The following MROH1 variants were observed in gnomAD, a reference collection of about 807,000 sequenced individuals.
MROH1 encodes maestro heat like repeat family member 1, also known as maestro heat-like repeat-containing protein family member 1.
In MROH1, 117 loss-of-function variants were observed where a neutral mutation model predicts 116.5. That is an observed-to-expected ratio of 1.00 (90% CI 0.86 to 1.17). MROH1 has a LOEUF of 1.17. MROH1 is among the 50% of genes most tolerant of loss of function. MROH1 has a pLI of 0.00. For missense variants in MROH1, 1,873 were observed against 1,338.5 expected, an observed-to-expected ratio of 1.40 and a Z score of -6.23; for synonymous variants, 921 against 583.9, an observed-to-expected ratio of 1.58 and a Z score of -8.32.
chr8:144,177,030 C>G (rs186204313), intron 4 of MROH1, among the ~76,000 whole-genome samples: 103 of 152,256 alleles, frequency 6.8e-4, no homozygotes, highest in Middle Eastern at 6.8e-3. Flanking sequence ...AAATCAACCC[C>G]AGCTGAAGTT....
At chr8:144,248,826 G>T in intron 31 of MROH1, 51 bp from the exon 32 acceptor site, 1 of 765,180 alleles carries the variant, frequency 1.3e-6, no homozygotes, top group East Asian at 2.5e-5. Context: ...AACAGAAGTG[G>T]CGTTGGGGGT....
rs1443866913 is a variant in MROH1, at chr8:144,200,797, C to A, written c.1141+256C>A. ...TGCAGACACCATGCGTGGCCACACT[C>A]CCCAGGTGACCATGCCTCTGAGGGT... On this transcript the variant is annotated intron_variant, in intron 12 of 43. Coordinates refer to ENST00000326134, the MANE Select transcript of MROH1 (RefSeq NM_032450.3). The A allele has an allele frequency of 3.5e-5, 16 of 463,766 alleles. No homozygotes were observed. The East Asian group carries it at 6.3e-4, about 18-fold the overall frequency. 28.7% of individuals were successfully genotyped at this position (463,766 alleles called of 1,614,324 possible). A position where few individuals can be genotyped will look rare whatever the true frequency, so the allele number is the denominator to read the frequency against.
At position 144,197,417 on chromosome 8, in the gene MROH1, C is replaced by CTTTTTTTTTTTTTTTTTTT. The variant is rs79749774; in HGVS notation, c.949-1687_949-1669dup. ...AAGAGTGGGCAGGAAGCTGCAGCAT[C>CTTTTTTTTTTTTTTTTTTT]TTTTTTTTTTTTTTTTTTTTTTTTT... On this transcript the variant is annotated intron_variant, in intron 10 of 43. Coordinates refer to ENST00000326134, the MANE Select transcript of MROH1 (RefSeq NM_032450.3). Among the ~76,000 whole-genome samples the CTTTTTTTTTTTTTTTTTTT allele has an allele frequency of 4.7e-5, 2 of 42,500 alleles. 1 individual carries two copies. The highest frequency in any genetic ancestry group is 2.6e-4 in the African/African-American group (2 of 7,674). 27.9% of individuals were successfully genotyped at this position (42,500 alleles called of 152,430 possible).
chr8:144,258,736 C>CGT (rs1844403369), intron 35 of MROH1, 41 bp from the exon 36 acceptor site: 2 of 742,276 alleles, frequency 2.7e-6, no homozygotes, highest in Admixed American at 3.7e-5. Flanking sequence ...GGGAGGTAGG[C>CGT]GTGTGTGCCC....
At chr8:144,198,789 G>A (rs1830475263) in intron 10 of MROH1, among the ~76,000 whole-genome samples, 4 of 152,116 alleles carry the variant, frequency 2.6e-5, no homozygotes, top group Admixed American at 2.6e-4. Flanking sequence ...TTTTCCTGCT[G>A]CTGGTAGGAG....
intron 1 of MROH1, among the ~76,000 whole-genome samples, chr8:144,153,588 A>T (rs1817364040): frequency 6.6e-6 from 1 of 151,710 alleles, no homozygotes; most frequent in South Asian, 2.1e-4. Flanking sequence ...TATATGCCAC[A>T]TTTTCTTTAT....
Position 144,182,471 on chromosome 8 carries a change from AT to A in MROH1, c.562+1949del, listed in dbSNP as rs1463632713. On this transcript the variant is annotated intron_variant, in intron 7 of 43. Coordinates refer to ENST00000326134, the MANE Select transcript of MROH1 (RefSeq NM_032450.3). The surrounding 1 kb of genome is among the most constrained non-coding windows in gnomAD (Gnocchi z 4.1). The stretch of plus-strand genomic sequence containing the variant: ...AACAGAGAAAGAAAATCTCTGATTA[AT>A]ATCCTCAGGAAAATAAGTGGGCATC... Among the ~76,000 whole-genome samples the A allele has an allele frequency of 2.6e-5, 4 of 152,232 alleles. No individual in the cohort carries two copies. The highest frequency in any genetic ancestry group is 9.6e-5 in the African/African-American group (4 of 41,468).
chr8:144,228,430 C>T (rs574099812), intron 14 of MROH1, among the ~76,000 whole-genome samples: 1 of 152,248 alleles, frequency 6.6e-6, no homozygotes, highest in African/African-American at 2.4e-5. Context: ...CTGGACTGAT[C>T]AGGGCGGTGG....
intron 11 of MROH1, 54 bp from the exon 12 acceptor site, chr8:144,200,374 G>A (rs1333377985): frequency 9.3e-6 from 13 of 1,390,932 alleles, no homozygotes; most frequent in South Asian, 1.4e-5. Flanking sequence ...TGGACGCTGT[G>A]TATAGGGATG....
Position 144,260,552 on chromosome 8 carries a change from C to T in MROH1, c.4381-125C>T, listed in dbSNP as rs1310939280. 99 of 756,614 alleles carry T rather than the reference C, an allele frequency of 1.3e-4. 1 individual carries two copies. The highest frequency in any genetic ancestry group is 1.3e-3 in the South Asian group (95 of 73,324). 46.9% of individuals were successfully genotyped at this position (756,614 alleles called of 1,614,324 possible). ...GCCTGGCAGCCCCCACCCGTAAGGC[C>T]CCCACCCGTCGGGGTGTTTCCTGGC... On this transcript the variant is annotated intron_variant, in intron 39 of 43. Transcript: ENST00000326134.
At chr8:144,228,777 T>C (rs1838277067) in intron 14 of MROH1, among the ~76,000 whole-genome samples, 2 of 152,358 alleles carry the variant, frequency 1.3e-5, no homozygotes, top group African/African-American at 4.8e-5. Context: ...TTTCTTAAAA[T>C]AGGACAATGA....
intron 10 of MROH1, among the ~76,000 whole-genome samples, chr8:144,195,634 A>G (rs7386497): frequency 0.99 from 150,215 of 151,980 alleles, 74,256 homozygotes; most frequent in East Asian, 1. Flanking sequence ...GAGCCACTGC[A>G]CCTGGCCTAT....
chr8:144,233,909 A>G (rs1839464037), intron 14 of MROH1, among the ~76,000 whole-genome samples: 1 of 152,216 alleles, frequency 6.6e-6, no homozygotes, highest in African/African-American at 2.4e-5. Flanking sequence ...ATGTGAATTT[A>G]TTTTAGCATC....
At chr8:144,206,665 C>T (rs1406242454) in intron 12 of MROH1, among the ~76,000 whole-genome samples, 1 of 151,338 alleles carries the variant, frequency 6.6e-6, no homozygotes, top group African/African-American at 2.4e-5. Context: ...CTCAGGTGAT[C>T]CACCCGCCTC....
chr8:144,259,838 T>G (rs1844660390), intron 37 of MROH1, 73 bp from the exon 38 acceptor site: 1 of 711,816 alleles, frequency 1.4e-6, no homozygotes, highest in African/African-American at 1.7e-5. Flanking sequence ...GCCTCTGGTG[T>G]TCTGGGCCTG....
chr8:144,201,339 G>A (rs956817346), intron 12 of MROH1, among the ~76,000 whole-genome samples: 12 of 152,232 alleles, frequency 7.9e-5, no homozygotes, highest in Middle Eastern at 3.4e-3. Context: ...GATTACAGGC[G>A]TGAGCCACCG....
At chr8:144,260,497 C>T (rs920510979) in intron 39 of MROH1, 123 bp downstream of exon 39, 3 of 701,580 alleles carry the variant, frequency 4.3e-6, no homozygotes, top group South Asian at 1.5e-5. Flanking sequence ...CCGTGGAGAG[C>T]GCGGACCTGC....
chr8:144,168,172 T>C, intron 3 of MROH1, 123 bp from the exon 4 acceptor site: 1 of 1,166,936 alleles, frequency 8.6e-7, no homozygotes, highest in Non-Finnish European at 1.2e-6. Context: ...AGCTGTGCCC[T>C]CTCCTGCTCT....
At chr8:144,171,964 G>A (rs1822561266) in intron 4 of MROH1, among the ~76,000 whole-genome samples, 1 of 152,230 alleles carries the variant, frequency 6.6e-6, no homozygotes, top group Admixed American at 6.5e-5. Context: ...CCCTTTTGGA[G>A]TTTGGACAAC....
Sources: gnomAD v4.1 joint callset for allele counts (sites outside exome capture counted in the v4.1 genomes callset) on GRCh38, gnomAD v4.1.1 for gene constraint, Gnocchi (gnomAD v3.1) non-coding constraint, MANE v1.5 for transcripts, NCBI Gene and HGNC (gene_info 2026-07-23, HGNC 2026-07-21) for gene names.